The following C10orf67 variants were observed in gnomAD, a reference collection of about 807,000 sequenced individuals.
The protein encoded by C10orf67 is uncharacterized protein C10orf67, mitochondrial.
C10orf67 carries 60 observed loss-of-function variants against 35.6 expected under a neutral mutation model. That is an observed-to-expected ratio of 1.68 (90% CI 1.37 to 2.09). The LOEUF (loss-of-function observed/expected upper bound fraction) is 2.09. Among genes scored for constraint, C10orf67 ranks in the 30% most tolerant of loss-of-function variants. The pLI, the probability that C10orf67 is intolerant of heterozygous loss-of-function variation, is 0.00. For missense variants in C10orf67, 474 were observed against 330.2 expected (o/e 1.44, Z -3.38); for synonymous variants, 167 against 115.8 (o/e 1.44, Z -2.84).
intron 13 of C10orf67, among the ~76,000 whole-genome samples, chr10:23,236,352 A>G (rs1842053453): frequency 6.6e-6 from 1 of 151,136 alleles, no homozygotes; most frequent in Admixed American, 6.6e-5. Flanking sequence ...GAATTGCTTG[A>G]ACCTGGGAGG....
intron 12 of C10orf67, among the ~76,000 whole-genome samples, chr10:23,246,912 C>T (rs1320250822): frequency 6.6e-6 from 1 of 152,094 alleles, no homozygotes; most frequent in African/African-American, 2.4e-5. Flanking sequence ...CAGCCTCAAC[C>T]TCCTGGGCTC....
chr10:23,299,555 AAGC>A (rs1844000878), intron 5 of C10orf67, among the ~76,000 whole-genome samples: 1 of 152,130 alleles, frequency 6.6e-6, no homozygotes, highest in Admixed American at 6.5e-5. Flanking sequence ...ATAATTAGAA[AAGC>A]ATGTGAAAAG....
intron 12 of C10orf67, among the ~76,000 whole-genome samples, chr10:23,245,841 C>T (rs1182458166): frequency 1.3e-5 from 2 of 152,178 alleles, no homozygotes; most frequent in Non-Finnish European, 2.9e-5. Flanking sequence ...TCCAGCAACT[C>T]CACTGCTGGG....
chr10:23,232,101 G>C (rs1438289226), intron 13 of C10orf67, among the ~76,000 whole-genome samples: 1 of 152,140 alleles, frequency 6.6e-6, no homozygotes, highest in Non-Finnish European at 1.5e-5. Context: ...TAATAATCTA[G>C]CTATGGCCTT....
chr10:23,289,882 C>T lies in C10orf67; in HGVS notation c.909+18G>A, dbSNP rs926708017. The T allele has an allele frequency of 2.5e-5, 18 of 714,966 alleles. No individual in the cohort carries two copies. Among genetic ancestry groups the T allele is most frequent in the African/African-American group, 7.0e-5 (4 of 57,234 alleles). The allele number at this position is 714,966 out of a possible 1,614,324, so 44.3% of individuals were successfully genotyped here. A position where few individuals can be genotyped will look rare whatever the true frequency, so the allele number is the denominator to read the frequency against. ...TCCATTTAAAAGAGTCATTTATCAA[C>T]GTAAAACGTTATAGTACCTTTTGAA... On this transcript the variant is annotated intron_variant, in intron 7 of 15. Transcript: ENST00000636213.
At chr10:23,287,604 C>A (rs1843585822) in intron 7 of C10orf67, among the ~76,000 whole-genome samples, 1 of 152,098 alleles carries the variant, frequency 6.6e-6, no homozygotes, top group South Asian at 2.1e-4. Flanking sequence ...GCAATTGCAA[C>A]AAAAGCCAAA....
chr10:23,344,358 G>A, intron 1 of C10orf67: 1 of 595,730 alleles, frequency 1.7e-6, no homozygotes. Flanking sequence ...GTGGAGAGGG[G>A]GAGGAGGAGG....
At chr10:23,293,780 A>C (rs1481975732) in intron 5 of C10orf67, among the ~76,000 whole-genome samples, 1 of 152,228 alleles carries the variant, frequency 6.6e-6, no homozygotes, top group Non-Finnish European at 1.5e-5. Flanking sequence ...ATAGAATTAC[A>C]AACTGAATCC....
chr10:23,342,080 C>T (rs1845913552), intron 1 of C10orf67, among the ~76,000 whole-genome samples: 1 of 152,054 alleles, frequency 6.6e-6, no homozygotes, highest in Non-Finnish European at 1.5e-5. Flanking sequence ...GGAGGGATCG[C>T]TTGACTCCAG....
intron 4 of C10orf67, among the ~76,000 whole-genome samples, chr10:23,303,672 A>G (rs560249323): frequency 6.6e-6 from 1 of 152,352 alleles, no homozygotes; most frequent in African/African-American, 2.4e-5. Flanking sequence ...AAAAAGTATT[A>G]CGCACTATGT....
chr10:23,311,164 AC>A (rs1294747734), intron 4 of C10orf67, among the ~76,000 whole-genome samples: 2 of 152,094 alleles, frequency 1.3e-5, no homozygotes, highest in Non-Finnish European at 2.9e-5. Flanking sequence ...TTTGTTATTT[AC>A]TTTTGGGGCT....
chr10:23,288,141 A>G lies in C10orf67; in HGVS notation c.909+1759T>C, dbSNP rs118049149. Among the ~76,000 whole-genome samples, 354 of 152,346 alleles carry G rather than the reference A, an allele frequency of 2.3e-3. 12 individuals carry two copies. The East Asian group carries it at 0.038, about 16-fold the overall frequency. ...TGTGTATATACTCAAAGGAATGTAA[A>G]TCATTTTACTATAAAGAGACATGCA... On this transcript the variant is annotated intron_variant, in intron 7 of 15. Transcript: ENST00000636213.
intron 13 of C10orf67, 63 bp from the exon 14 acceptor site, chr10:23,223,881 C>A (rs768605610): frequency 1.6e-5 from 11 of 704,344 alleles, no homozygotes; most frequent in Non-Finnish European, 2.4e-5. Flanking sequence ...ATCAAATGGA[C>A]GTTAATGTTC....
intron 10 of C10orf67, among the ~76,000 whole-genome samples, chr10:23,265,940 G>C (rs1307949791): frequency 6.6e-6 from 1 of 152,174 alleles, no homozygotes; most frequent in East Asian, 1.9e-4. Context: ...GATGACACTG[G>C]GCAGTAATGA....
intron 8 of C10orf67, among the ~76,000 whole-genome samples, chr10:23,274,482 C>A (rs559823656): frequency 6.6e-6 from 1 of 152,080 alleles, no homozygotes; most frequent in Admixed American, 6.6e-5. Context: ...ATTAATATTT[C>A]TTGCTGGGAA....
chr10:23,297,508 C>A (rs749679156), intron 5 of C10orf67, among the ~76,000 whole-genome samples: 20 of 152,170 alleles, frequency 1.3e-4, no homozygotes, highest in Non-Finnish European at 2.6e-4. Flanking sequence ...GTTTTACCAG[C>A]TGAGCACTAG....
At position 23,341,776 on chromosome 10, in the gene C10orf67, C is replaced by T. The variant is rs116733126; in HGVS notation, c.206+2793G>A. The stretch of plus-strand genomic sequence containing the variant: ...CCCAGTGTTCTCTCTGCCTGGAACA[C>T]TTGCTAGCCTGATAGATCCTTAGGG... On this transcript the variant is annotated intron_variant, in intron 1 of 15. Transcript: ENST00000636213. 7.0e-3 allele frequency among the ~76,000 whole-genome samples: 1,066 copies of T among 152,274 alleles called. 9 individuals are homozygous for T. Among genetic ancestry groups the T allele is most frequent in the African/African-American group, 0.024 (1,000 of 41,546 alleles).
At chr10:23,283,283 T>G (rs1457448596) in intron 7 of C10orf67, among the ~76,000 whole-genome samples, 1 of 152,232 alleles carries the variant, frequency 6.6e-6, no homozygotes, top group Non-Finnish European at 1.5e-5. Flanking sequence ...CCTTTGTATT[T>G]ACGTTGATCA....
intron 7 of C10orf67, among the ~76,000 whole-genome samples, chr10:23,282,982 A>G (rs1843413109): frequency 6.6e-6 from 1 of 152,132 alleles, no homozygotes; most frequent in African/African-American, 2.4e-5. Flanking sequence ...GGAAGAATGA[A>G]TAAGACCTAG....
Sources: gnomAD v4.1 joint callset for allele counts (sites outside exome capture counted in the v4.1 genomes callset) on GRCh38, gnomAD v4.1.1 for gene constraint, MANE v1.5 for transcripts, NCBI Gene and HGNC (gene_info 2026-07-23, HGNC 2026-07-21) for gene names.